RPS6KA3: variants seen among roughly 807,000 people sequenced by gnomAD.
RPS6KA3 encodes the protein ribosomal protein S6 kinase A3, also known as ribosomal protein S6 kinase alpha-3.
RPS6KA3 carries 4 observed loss-of-function variants against 67.2 expected under a neutral mutation model. The observed-to-expected ratio is 0.06, with a 90% confidence interval of 0.03 to 0.14. The LOEUF is 0.14. Among genes scored for constraint, RPS6KA3 ranks in the 10% least tolerant of loss-of-function variants. The pLI, the probability that RPS6KA3 is intolerant of heterozygous loss-of-function variation, is 1.00. For missense variants in RPS6KA3, 204 were observed against 559.0 expected, an observed-to-expected ratio of 0.36 and a Z score of 6.40; for synonymous variants, 182 against 183.7, an observed-to-expected ratio of 0.99 and a Z score of 0.07.
At position 20,155,012 on chromosome X, in the gene RPS6KA3, AACATAAAC is replaced by A; in HGVS notation, c.*378_*385del. 1 of 239,559 alleles carries A rather than the reference AACATAAAC, an allele frequency of 4.2e-6. No homozygotes were observed. The highest frequency in any genetic ancestry group is 4.9e-5 in the South Asian group (1 of 20,417). 19.7% of individuals were successfully genotyped at this position (239,559 alleles called of 1,213,427 possible). On this transcript the variant is annotated 3_prime_UTR_variant, in exon 22 of 22. Coordinates refer to ENST00000379565, the MANE Select transcript of RPS6KA3 (RefSeq NM_004586.3). ...AACGGATTGTTTAAGCTAAGTGCTTAACATAAACTGTCCATCCCTATAACTAACAAAGA... is the reference window on the plus strand; with the variant it reads ...AACGGATTGTTTAAGCTAAGTGCTTATGTCCATCCCTATAACTAACAAAGA...
intron 20 of RPS6KA3, among the ~76,000 whole-genome samples, chrX:20,159,297 A>C (rs2067255101): frequency 1.8e-5 from 2 of 112,202 alleles, no homozygotes; most frequent in Non-Finnish European, 3.8e-5. Context: ...CAACATAGGT[A>C]AAAGTGTTAG....
rs1244548041 is a variant in RPS6KA3, at chrX:20,150,784, G to T, written c.*4614C>A. The T allele has an allele frequency of 1.8e-5, 2 of 112,144 alleles. No individual in the cohort carries two copies. The highest frequency in any genetic ancestry group is 1.9e-5 in the Non-Finnish European group (1 of 53,110). The allele number at this position is 112,144 out of a possible 1,213,427, so 9.2% of individuals were successfully genotyped here. ...ACTCTACTCATGGTATGTGCTCTAA[G>T]GAGGTTTTATTGAGGTTTGTACCTC... On this transcript the variant is annotated 3_prime_UTR_variant, in exon 22 of 22. Coordinates refer to ENST00000379565, the MANE Select transcript of RPS6KA3 (RefSeq NM_004586.3).
intron 1 of RPS6KA3, chrX:20,265,858 G>A (rs1477615502): frequency 9.1e-6 from 1 of 110,326 alleles, no homozygotes; most frequent in African/African-American, 3.3e-5. Flanking sequence ...CTTTTACGGC[G>A]GCCGCTGATC....
chrX:20,266,996 G>C, upstream of RPS6KA3: 1 of 752,697 alleles, frequency 1.3e-6, no homozygotes, highest in Non-Finnish European at 1.6e-6. Flanking sequence ...CGACCGCCGC[G>C]CGCTCCCCCA....
Position 20,156,091 on chromosome X carries a change from C to T in RPS6KA3, c.2100+18G>A, listed in dbSNP as rs1196589847. On this transcript the variant is annotated intron_variant, in intron 21 of 21. Transcript: ENST00000379565. Reference sequence around the variant, plus strand: ...CTGGAGGACCTGTGGAAAACAGTGACTGTATGGGGCTGCTCACCTTTACTA... The same window carrying T: ...CTGGAGGACCTGTGGAAAACAGTGATTGTATGGGGCTGCTCACCTTTACTA... 4.1e-6 allele frequency: 5 copies of T among 1,209,123 alleles called. No individual in the cohort carries two copies. Among genetic ancestry groups the T allele is most frequent in the Non-Finnish European group, 4.5e-6 (4 of 893,743 alleles).
At chrX:20,195,351 C>T (rs940537991) in intron 4 of RPS6KA3, among the ~76,000 whole-genome samples, 12 of 111,466 alleles carry the variant, frequency 1.1e-4, no homozygotes, top group African/African-American at 3.6e-4. Context: ...TTATAAAATC[C>T]ATGCTTTTAA....
intron 2 of RPS6KA3, among the ~76,000 whole-genome samples, chrX:20,215,208 T>C (rs906206286): frequency 1.3e-4 from 12 of 91,381 alleles, no homozygotes; most frequent in African/African-American, 6.3e-4. Context: ...GTGTTCCTTT[T>C]CTTAGTGTGT....
At chrX:20,163,699 C>T (rs2067361750) in intron 18 of RPS6KA3, among the ~76,000 whole-genome samples, 1 of 110,561 alleles carries the variant, frequency 9.0e-6, no homozygotes, top group African/African-American at 3.3e-5. Flanking sequence ...GACAGGGTCT[C>T]ACTCTGTCGC....
chrX:20,187,577 A>G (rs2068018450), intron 9 of RPS6KA3, among the ~76,000 whole-genome samples: 1 of 111,891 alleles, frequency 8.9e-6, no homozygotes, highest in South Asian at 3.7e-4. Context: ...AACACCATTA[A>G]TGCTTTAGAT....
intron 10 of RPS6KA3, among the ~76,000 whole-genome samples, chrX:20,185,065 C>T (rs1382141309): frequency 9.0e-6 from 1 of 111,186 alleles, no homozygotes; most frequent in Admixed American, 9.5e-5. Flanking sequence ...CCTGCCTCAG[C>T]CTACCGAGTA....
chrX:20,169,340 C>T (rs1024561432), intron 16 of RPS6KA3, 62 bp downstream of exon 16: 1 of 740,546 alleles, frequency 1.4e-6, no homozygotes, highest in Non-Finnish European at 2.1e-6. Context: ...TTTGAAAATA[C>T]ACTACTTTCA....
chrX:20,173,957 T>A (rs1489709275), intron 14 of RPS6KA3, among the ~76,000 whole-genome samples: 1 of 112,708 alleles, frequency 8.9e-6, no homozygotes, highest in Non-Finnish European at 1.9e-5. Context: ...TTATTTCTTG[T>A]ATCTTTTCTA....
chrX:20,156,619 T>C (rs560109735), intron 20 of RPS6KA3, among the ~76,000 whole-genome samples: 3 of 110,987 alleles, frequency 2.7e-5, no homozygotes, highest in South Asian at 3.9e-4. Context: ...CACTGCAACC[T>C]CTGTCTCCTG....
At chrX:20,191,859 C>T (rs185439378) in intron 7 of RPS6KA3, among the ~76,000 whole-genome samples, 11 of 110,858 alleles carry the variant, frequency 9.9e-5, no homozygotes, top group East Asian at 8.5e-4. Context: ...CTCCACCTCC[C>T]GGATTCAAGC....
At chrX:20,164,386 GTTTTT>G (rs397977193) in intron 18 of RPS6KA3, among the ~76,000 whole-genome samples, 1 of 84,637 alleles carries the variant, frequency 1.2e-5, no homozygotes. Context: ...CTGAAGGGTT[GTTTTT>G]TTTTTTTTTT....
chrX:20,202,673 T>C (rs1290006529), intron 4 of RPS6KA3, among the ~76,000 whole-genome samples: 1 of 112,280 alleles, frequency 8.9e-6, no homozygotes, highest in Non-Finnish European at 1.9e-5. Context: ...ATTGGGCATT[T>C]ATTTCCTTTC....
intron 4 of RPS6KA3, among the ~76,000 whole-genome samples, chrX:20,201,199 G>A (rs1603427237): frequency 9.0e-6 from 1 of 110,610 alleles, no homozygotes; most frequent in South Asian, 3.9e-4. Context: ...ACAGTGGTGT[G>A]ATCACAGCTC....
chrX:20,193,455 A>G (rs1569222080), intron 7 of RPS6KA3, 32 bp downstream of exon 7: 1 of 820,656 alleles, frequency 1.2e-6, no homozygotes, highest in East Asian at 3.2e-5. Context: ...ATCATATTAC[A>G]TTGTATTCAA....
intron 15 of RPS6KA3, among the ~76,000 whole-genome samples, chrX:20,170,153 A>G (rs2067536576): frequency 8.9e-6 from 1 of 111,990 alleles, no homozygotes; most frequent in Non-Finnish European, 1.9e-5. Flanking sequence ...ACCCTTTTAT[A>G]TTGGCTGCTC....
Sources: allele counts gnomAD v4.1 joint callset (sites outside exome capture counted in the v4.1 genomes callset), GRCh38; gene constraint gnomAD v4.1.1; transcripts MANE v1.5; gene names NCBI Gene and HGNC (gene_info 2026-07-23, HGNC 2026-07-21).